Variants in CNTFR observed in about 807,000 individuals in gnomAD.
The protein encoded by CNTFR is ciliary neurotrophic factor receptor.
Under a neutral mutation model 40.4 loss-of-function variants are expected in CNTFR, and 12 were observed. The ratio of observed to expected loss-of-function variants is 0.30; its 90% confidence interval spans 0.19 to 0.48. The LOEUF (loss-of-function observed/expected upper bound fraction) is 0.48. Among genes scored for constraint, CNTFR ranks in the 20% least tolerant of loss-of-function variants. The probability of loss-of-function intolerance (pLI) is 0.99; values close to 1 mark genes in which losing one functional copy is unlikely to be tolerated. For missense variants in CNTFR, 414 were observed against 506.8 expected (o/e 0.82, Z 1.76); for synonymous variants, 202 against 209.6 (o/e 0.96, Z 0.31).
intron 2 of CNTFR, among the ~76,000 whole-genome samples, chr9:34,571,078 G>C (rs573878029): frequency 6.6e-5 from 10 of 152,252 alleles, no homozygotes; most frequent in African/African-American, 2.2e-4. Flanking sequence ...GCTACCACTT[G>C]GCCTGGCTCC....
chr9:34,579,288 G>A (rs1827168124), intron 2 of CNTFR, among the ~76,000 whole-genome samples: 1 of 152,050 alleles, frequency 6.6e-6, no homozygotes, highest in Admixed American at 6.5e-5. Flanking sequence ...CCGTCCGCCC[G>A]CCGCTCCCTC....
At chr9:34,584,018 T>G (rs1827440965) in intron 1 of CNTFR, among the ~76,000 whole-genome samples, 1 of 152,144 alleles carries the variant, frequency 6.6e-6, no homozygotes, top group African/African-American at 2.4e-5. Context: ...AGCCCCTCAT[T>G]GGGACTCTGG....
rs565036773 is a variant in CNTFR at position 34,551,762 on chromosome 9, C to T, written c.*309G>A. 63 of 568,344 alleles carry T rather than the reference C, an allele frequency of 1.1e-4. No homozygotes were observed. The highest frequency in any genetic ancestry group is 9.7e-4 in the Admixed American group (31 of 31,870). 35.2% of individuals were successfully genotyped at this position (568,344 alleles called of 1,614,324 possible). ...AATCGGATGTGAGAGGCTCCCCTCACGTCCCCCAAGGGCTCCTGGGAGTCG... is the reference window on the plus strand; with the variant it reads ...AATCGGATGTGAGAGGCTCCCCTCATGTCCCCCAAGGGCTCCTGGGAGTCG... On this transcript the variant is annotated 3_prime_UTR_variant, in exon 10 of 10. Coordinates refer to ENST00000378980, the MANE Select transcript of CNTFR (RefSeq NM_147164.3).
In CNTFR at chr9:34,569,095, G is replaced by A. The variant is rs549824300; in HGVS notation, c.1-114C>T. 4.4e-5 allele frequency: 43 copies of A among 972,222 alleles called. No individual in the cohort carries two copies. The African/African-American group carries it at 5.8e-4, about 13-fold the overall frequency. 60.2% of individuals were successfully genotyped at this position (972,222 alleles called of 1,614,324 possible). A position where few individuals can be genotyped will look rare whatever the true frequency, so the allele number is the denominator to read the frequency against. On this transcript the variant is annotated intron_variant, in intron 2 of 9. Transcript: ENST00000378980. ...GGGAAATCCCAGCCCTAGGGCCCTGGAGAGGCCCTCACCCGCTCTGCTTTC... is the reference window on the plus strand; with the variant it reads ...GGGAAATCCCAGCCCTAGGGCCCTGAAGAGGCCCTCACCCGCTCTGCTTTC...
At chr9:34,584,490 GGA>G (rs774315735) in intron 1 of CNTFR, among the ~76,000 whole-genome samples, 2 of 152,216 alleles carry the variant, frequency 1.3e-5, no homozygotes, top group Non-Finnish European at 2.9e-5. Context: ...GGCTCTGGCT[GGA>G]CAGAGTATTT....
intron 4 of CNTFR, among the ~76,000 whole-genome samples, chr9:34,559,880 G>C (rs1037899718): frequency 6.6e-6 from 1 of 152,028 alleles, no homozygotes; most frequent in Non-Finnish European, 1.5e-5. Context: ...CCTCCCCACT[G>C]ACCAGGCTCC....
intron 2 of CNTFR, among the ~76,000 whole-genome samples, chr9:34,576,538 T>C (rs1418452271): frequency 6.6e-6 from 1 of 152,196 alleles, no homozygotes; most frequent in Non-Finnish European, 1.5e-5. Flanking sequence ...AGCCTAGGGA[T>C]GCCTAGGGCA....
At chr9:34,569,071 G>A in intron 2 of CNTFR, 90 bp from the exon 3 acceptor site, 3 of 1,252,074 alleles carry the variant, frequency 2.4e-6, no homozygotes, top group Non-Finnish European at 2.3e-6. Context: ...GGCAAGACTG[G>A]GAAATCCCAG....
At chr9:34,553,598 T>A (rs1825719387) in intron 7 of CNTFR, among the ~76,000 whole-genome samples, 1 of 152,176 alleles carries the variant, frequency 6.6e-6, no homozygotes, top group Admixed American at 6.5e-5. Context: ...AGTGTGGTTA[T>A]CACCCTGCTG....
chr9:34,552,873 G>T lies in CNTFR; in HGVS notation c.769-19C>A. On this transcript the variant is annotated intron_variant, in intron 7 of 9. Coordinates refer to ENST00000378980, the MANE Select transcript of CNTFR (RefSeq NM_147164.3). The surrounding 1 kb of genome is among the most constrained non-coding windows in gnomAD (Gnocchi z 5.1). ...GCTCCACCTGCAGCCAGACCATGGG[G>T]TGGGGGTAAGGACACACCTGGGGGC... 6.2e-7 allele frequency: 1 copy of T among 1,606,724 alleles called. No homozygotes were observed. Among genetic ancestry groups the T allele is most frequent in the South Asian group, 1.1e-5 (1 of 90,882 alleles).
rs2296940 is a variant in CNTFR, at chr9:34,564,848, G to T, written c.86-16C>A. 3.4e-4 allele frequency: 547 copies of T among 1,608,926 alleles called. 5 individuals carry two copies. The East Asian group carries it at 0.012, about 35-fold the overall frequency. On this transcript the variant is annotated splice_polypyrimidine_tract_variant and intron_variant, in intron 3 of 9. Coordinates refer to ENST00000378980, the MANE Select transcript of CNTFR (RefSeq NM_147164.3). ...TGGGGTGCCTCTGTGGGGGGTGGGG[G>T]CACAGGGCAAAAGTCACAGGTCACA...
chr9:34,587,229 G>T (rs766909081), intron 1 of CNTFR, among the ~76,000 whole-genome samples: 11 of 152,194 alleles, frequency 7.2e-5, no homozygotes, highest in Non-Finnish European at 1.0e-4. Flanking sequence ...TCTAGTGTAA[G>T]TCTGAGTGTG....
intron 4 of CNTFR, among the ~76,000 whole-genome samples, chr9:34,561,344 A>C (rs1231159564): frequency 6.6e-6 from 1 of 152,224 alleles, no homozygotes; most frequent in African/African-American, 2.4e-5. Context: ...AAAACTGGAG[A>C]AGGAACTGTC....
In CNTFR at chr9:34,557,504, T is replaced by A. The variant is rs1442534630; in HGVS notation, c.604+22A>T. Reference sequence around the variant, plus strand: ...CATTCCCACTGGAGTAGGCAGCAGGTCCCCCCAACCGCCACACGTACCAAT... The same window carrying A: ...CATTCCCACTGGAGTAGGCAGCAGGACCCCCCAACCGCCACACGTACCAAT... On this transcript the variant is annotated intron_variant, in intron 6 of 9. Transcript: ENST00000378980. This position sits in a 1 kb window ranked among gnomAD's most constrained non-coding sequence, Gnocchi z 4.2. The A allele has an allele frequency of 6.2e-7, 1 of 1,607,644 alleles. No individual in the cohort carries two copies.
chr9:34,577,163 C>A (rs1357345324), intron 2 of CNTFR, among the ~76,000 whole-genome samples: 1 of 152,250 alleles, frequency 6.6e-6, no homozygotes, highest in African/African-American at 2.4e-5. Flanking sequence ...CGCGGAGTCG[C>A]TGTCCAGTCA....
At chr9:34,572,922 G>A (rs562111476) in intron 2 of CNTFR, among the ~76,000 whole-genome samples, 3 of 152,278 alleles carry the variant, frequency 2.0e-5, no homozygotes, top group Middle Eastern at 3.4e-3. Context: ...TCACACTGAC[G>A]GTGACATCAA....
At chr9:34,571,602 G>A (rs77798131) in intron 2 of CNTFR, among the ~76,000 whole-genome samples, 4 of 151,346 alleles carry the variant, frequency 2.6e-5, no homozygotes, top group East Asian at 1.9e-4. Flanking sequence ...AGGCCCCCGC[G>A]GGGGGAGGGG....
chr9:34,576,250 C>T (rs749981521), intron 2 of CNTFR, among the ~76,000 whole-genome samples: 1 of 152,228 alleles, frequency 6.6e-6, no homozygotes, highest in South Asian at 2.1e-4. Context: ...CCCACAGCCC[C>T]GTACACGCTG....
intron 4 of CNTFR, among the ~76,000 whole-genome samples, chr9:34,558,689 CTGT>C (rs761726618): frequency 2.6e-5 from 4 of 152,158 alleles, no homozygotes; most frequent in Non-Finnish European, 4.4e-5. Flanking sequence ...AAGGAAGCTG[CTGT>C]TCCCTTTGTG....
Sources: gnomAD v4.1 joint callset for allele counts (sites outside exome capture counted in the v4.1 genomes callset) on GRCh38, gnomAD v4.1.1 for gene constraint, Gnocchi (gnomAD v3.1) non-coding constraint, MANE v1.5 for transcripts, NCBI Gene and HGNC (gene_info 2026-07-23, HGNC 2026-07-21) for gene names.